Variants in CCDC9 observed in about 807,000 individuals in gnomAD.
CCDC9 encodes the protein coiled-coil domain-containing protein 9.
CCDC9 carries 52 observed loss-of-function variants against 65.6 expected under a neutral mutation model. That is an observed-to-expected ratio of 0.79 (90% CI 0.63 to 1.00). The LOEUF is 1.00. Ranked by LOEUF, CCDC9 falls within the 50% of genes least tolerant of loss-of-function variation. The pLI is 0.00. For synonymous variants in CCDC9, 332 were observed against 280.3 expected, an observed-to-expected ratio of 1.18 and a Z score of -1.84; for missense variants, 834 against 757.2, an observed-to-expected ratio of 1.10 and a Z score of -1.19.
At chr19:47,273,563 T>C (rs2123492536), downstream of CCDC9, 1 of 435,940 alleles carries the variant, frequency 2.3e-6, no homozygotes, top group East Asian at 3.6e-5. Flanking sequence ...GAGGGTTAAA[T>C]CTAAGGGGGG....
At chr19:47,259,133 G>A (rs1483969861) in intron 3 of CCDC9, among the ~76,000 whole-genome samples, 3 of 152,318 alleles carry the variant, frequency 2.0e-5, no homozygotes, top group East Asian at 1.9e-4. Context: ...TTGAAAAGGC[G>A]AGGGGAACAT....
rs750785785 is a variant in CCDC9 at position 47,260,836 on chromosome 19, C to T, written c.459C>T (p.Ser153=). 9.3e-6 allele frequency: 15 copies of T among 1,612,008 alleles called. No homozygotes were observed. Among genetic ancestry groups the T allele is most frequent in the East Asian group, 2.2e-5 (1 of 44,794 alleles). Residue 153 remains serine (S), a synonymous_variant, in exon 5 of 12, where the codon TCC becomes TCT. Coordinates refer to ENST00000221922, the MANE Select transcript of CCDC9 (RefSeq NM_015603.3). ...AGDTSISDRK[S]KEWEERRRQN... The stretch of plus-strand genomic sequence containing the variant: ...ACACCTCAATCTCTGACCGTAAATC[C>T]AAGGTAGGAGCTAGGCAGCGCCTGG...
chr19:47,261,810 C>G (rs1024124129), intron 5 of CCDC9, among the ~76,000 whole-genome samples: 1 of 150,704 alleles, frequency 6.6e-6, no homozygotes, highest in Non-Finnish European at 1.5e-5. Flanking sequence ...CACCTGAAGT[C>G]AGGAGTTCGA....
At chr19:47,259,005 G>A (rs948030534) in intron 3 of CCDC9, among the ~76,000 whole-genome samples, 2 of 152,194 alleles carry the variant, frequency 1.3e-5, no homozygotes, top group African/African-American at 4.8e-5. Flanking sequence ...CTGGAATCAG[G>A]AAATTCAGGG....
chr19:47,260,815 C>T lies in CCDC9; in HGVS notation c.438C>T (p.Thr146=), dbSNP rs34398252. 4.6e-3 allele frequency: 7,471 copies of T among 1,613,134 alleles called. 283 individuals carry two copies. In the African/African-American group the frequency reaches 0.088, roughly 19 times the overall value. The change falls in exon 5 of 12, where the codon ACC becomes ACT. Residue 146 remains threonine, a synonymous_variant. Coordinates refer to ENST00000221922, the MANE Select transcript of CCDC9 (RefSeq NM_015603.3). ...GSPHLSGAGD[T]SISDRKSKEW... ...CTCACCTCTCTGGAGCTGGAGACACCTCAATCTCTGACCGTAAATCCAAGG... is the reference window on the plus strand; with the variant it reads ...CTCACCTCTCTGGAGCTGGAGACACTTCAATCTCTGACCGTAAATCCAAGG...
intron 5 of CCDC9, among the ~76,000 whole-genome samples, chr19:47,261,086 C>T (rs947188851): frequency 6.6e-6 from 1 of 152,040 alleles, no homozygotes; most frequent in Non-Finnish European, 1.5e-5. Context: ...GTCTCTTTCT[C>T]TCCTACTCCT....
At chr19:47,265,690 GTTTT>G (rs202176403) in intron 7 of CCDC9, among the ~76,000 whole-genome samples, 5 of 142,650 alleles carry the variant, frequency 3.5e-5, no homozygotes, top group African/African-American at 1.0e-4. Flanking sequence ...AGGATAAGAG[GTTTT>G]TTTTTTTTTT....
intron 3 of CCDC9, 142 bp downstream of exon 3, chr19:47,258,805 CTTTCA>C (rs1365677034): frequency 1.2e-5 from 8 of 644,908 alleles, no homozygotes; most frequent in African/African-American, 1.8e-5. Flanking sequence ...GACATCCCTT[CTTTCA>C]TTCCATTATT....
In CCDC9 at chr19:47,261,342, G is replaced by A. The variant is rs1054595877; in HGVS notation, c.462+503G>A. On this transcript the variant is annotated intron_variant, in intron 5 of 11. Transcript: ENST00000221922. The stretch of plus-strand genomic sequence containing the variant: ...ATTCTGTTTCTGTGTGTTTCTCTTG[G>A]TCCCCGGCTTTGGTTATGGGGAGCA... Among the ~76,000 whole-genome samples the A allele has an allele frequency of 5.3e-5, 8 of 152,134 alleles. No individual in the cohort carries two copies. The East Asian group carries it at 1.5e-3, about 29-fold the overall frequency.
At chr19:47,266,412 C>A (rs2059082593) in intron 7 of CCDC9, 199 bp from the exon 8 acceptor site, 1 of 644,862 alleles carries the variant, frequency 1.6e-6, no homozygotes, top group Non-Finnish European at 2.4e-6. Flanking sequence ...AAAAATCCAG[C>A]AGCTGAGGGG....
In CCDC9 at chr19:47,260,759, C is replaced by T. The variant is rs540587094; in HGVS notation, c.382C>T (p.Arg128Cys). 1.6e-5 allele frequency: 25 copies of T among 1,608,976 alleles called. No homozygotes were observed. The highest frequency in any genetic ancestry group is 4.5e-5 in the East Asian group (2 of 44,740). ...EQPRGGGAGG[R>C]GRRGRGRGSP... ...GCCTCGAGGAGGAGGAGCTGGGGGC[C>T]GTGGCCGGAGGGGCCGGGGCCGAGG... is the stretch of plus-strand genomic sequence containing the variant. Residue 128 changes from arginine (R) to cysteine (C), a missense_variant, in exon 5 of 12, where the codon CGT becomes TGT. Transcript: ENST00000221922.
At chr19:47,263,432 G>A (rs1034978791) in intron 5 of CCDC9, among the ~76,000 whole-genome samples, 17 of 152,206 alleles carry the variant, frequency 1.1e-4, no homozygotes, top group Non-Finnish European at 2.5e-4. Context: ...AGTCCCAGGG[G>A]ATGCGCTGAA....
At chr19:47,263,492 C>T (rs773426598) in intron 5 of CCDC9, among the ~76,000 whole-genome samples, 1 of 152,100 alleles carries the variant, frequency 6.6e-6, no homozygotes, top group Non-Finnish European at 1.5e-5. Context: ...GGGATGCCCA[C>T]GAGAGATTCA....
chr19:47,272,393 T>A (rs1469505975), downstream of CCDC9, among the ~76,000 whole-genome samples: 5 of 152,024 alleles, frequency 3.3e-5, no homozygotes, highest in East Asian at 9.7e-4. Flanking sequence ...GTATGGAGGT[T>A]GAGGAGGTGG....
Position 47,264,606 on chromosome 19 carries a change from T to A in CCDC9, c.466T>A (p.Trp156Arg). 6.3e-7 allele frequency: 1 copy of A among 1,593,992 alleles called. No homozygotes were observed. The highest frequency in any genetic ancestry group is 8.5e-7 in the Non-Finnish European group (1 of 1,170,546). Residue 156 changes from tryptophan (W) to arginine (R), a missense_variant, in exon 6 of 12, where the codon TGG becomes AGG. Physicochemically the swap from Trp to Arg is moderately radical, Grantham distance 101 (BLOSUM62 -3). Coordinates refer to ENST00000221922, the MANE Select transcript of CCDC9 (RefSeq NM_015603.3). ...TSISDRKSKEWEERRRQNIEK... is the reference protein window; with the variant it reads ...TSISDRKSKEREERRRQNIEK... ...GTCCCTATCTTTATCCCCCCAGGAG[T>A]GGGAGGAGCGGCGCAGGCAGAACAT...
At chr19:47,275,626 C>T (rs1024496291), downstream of CCDC9, 2 of 489,520 alleles carry the variant, frequency 4.1e-6, no homozygotes, top group Admixed American at 4.1e-5. Context: ...AGCACAGAGC[C>T]CACAGCCCAT....
chr19:47,260,292 G>A, intron 3 of CCDC9, 29 bp from the exon 4 acceptor site: 1 of 1,513,936 alleles, frequency 6.6e-7, no homozygotes, highest in African/African-American at 1.4e-5. Context: ...GGCACCTGAT[G>A]CTTCCCTACC....
intron 5 of CCDC9, among the ~76,000 whole-genome samples, chr19:47,263,099 C>CAA (rs879267398): frequency 7.6e-6 from 1 of 130,880 alleles, no homozygotes; most frequent in African/African-American, 2.8e-5. Context: ...GACCCTGTCT[C>CAA]AAAAAAAAAA....
chr19:47,270,156 G>A (rs1009917800), intron 8 of CCDC9, among the ~76,000 whole-genome samples: 1 of 151,846 alleles, frequency 6.6e-6, no homozygotes, highest in South Asian at 2.1e-4. Flanking sequence ...TTTTGTAGAG[G>A]TGGGGCTTCA....
Sources: allele counts gnomAD v4.1 joint callset (sites outside exome capture counted in the v4.1 genomes callset), GRCh38; gene constraint gnomAD v4.1.1; transcripts MANE v1.5; gene names NCBI Gene and HGNC (gene_info 2026-07-23, HGNC 2026-07-21).